Variants in UBE2J2 observed in about 807,000 individuals in gnomAD.
The protein encoded by UBE2J2 is ubiquitin-conjugating enzyme E2 J2.
Under a neutral mutation model 28.6 loss-of-function variants are expected in UBE2J2, and 5 were observed. The observed-to-expected ratio is 0.17, with a 90% CI of 0.09 to 0.37. The LOEUF (loss-of-function observed/expected upper bound fraction) is 0.37, where lower values mean the gene tolerates loss of function less well. Ranked by LOEUF, UBE2J2 falls within the 10% of genes least tolerant of loss-of-function variation. UBE2J2 has a pLI of 1.00. For missense variants in UBE2J2, 226 were observed against 338.9 expected, an observed-to-expected ratio of 0.67 and a Z score of 2.62; for synonymous variants, 138 against 139.7, an observed-to-expected ratio of 0.99 and a Z score of 0.09.
At chr1:1,269,744 G>GT (rs1640054850) in intron 1 of UBE2J2, among the ~76,000 whole-genome samples, 1 of 152,162 alleles carries the variant, frequency 6.6e-6, no homozygotes, top group Non-Finnish European at 1.5e-5. Flanking sequence ...GATTACAGGC[G>GT]TGAGTCCCCG....
chr1:1,268,283 A>G lies in UBE2J2; in HGVS notation c.1-291T>C, dbSNP rs1291040357. ...GTTCCTGTCCTCCAAAAACTCACGC[A>G]GGGATACATTTACAGGGCTTGAGGG... On this transcript the variant is annotated intron_variant, in intron 1 of 6. Transcript: ENST00000349431. This position sits in a 1 kb window ranked among gnomAD's most constrained non-coding sequence, Gnocchi z 4.7. Among the ~76,000 whole-genome samples, 1 of 152,144 alleles carries G rather than the reference A, an allele frequency of 6.6e-6. No individual in the cohort carries two copies. The highest frequency in any genetic ancestry group is 1.5e-5 in the Non-Finnish European group (1 of 68,038).
chr1:1,271,443 A>C (rs547464092), intron 1 of UBE2J2: 3 of 152,392 alleles, frequency 2.0e-5, no homozygotes, highest in Non-Finnish European at 2.9e-5. Context: ...ACGAAAGTTC[A>C]TGGACAGCCG....
At chr1:1,259,647 A>T (rs978136910) in intron 3 of UBE2J2, among the ~76,000 whole-genome samples, 5 of 152,080 alleles carry the variant, frequency 3.3e-5, no homozygotes, top group Non-Finnish European at 7.4e-5. Flanking sequence ...TTTTCAGTTC[A>T]CATCCCCCTT....
At chr1:1,266,215 C>A in intron 2 of UBE2J2, 2 of 1,250,256 alleles carry the variant, frequency 1.6e-6, no homozygotes, top group Non-Finnish European at 2.1e-6. Context: ...GCTGGGCCTC[C>A]TCTGTGAGCC....
rs148300527 is a variant in UBE2J2 at position 1,271,175 on chromosome 1, A to G, written c.-1+2491T>C. On this transcript the variant is annotated intron_variant, in intron 1 of 6. Coordinates refer to ENST00000349431, the MANE Select transcript of UBE2J2 (RefSeq NM_058167.3). ...GAGGGCCCCCACCAGGGATGGGGTT[A>G]CAGTCCTGCCTGGGAAGGAAGTGCT... 4.0e-3 allele frequency among the ~76,000 whole-genome samples: 607 copies of G among 152,274 alleles called. 4 individuals carry two copies. Among genetic ancestry groups the G allele is most frequent in the African/African-American group, 0.014 (575 of 41,560 alleles).
rs1194870542 is a variant in UBE2J2, at chr1:1,257,393, ACCCC to A, written c.173-87_173-84del. ...GACCTCGTCCCCATCCCCCCACGCC[ACCCC>A]CCCCCCCCCCCTCAGCTCGGCTCCC... On this transcript the variant is annotated intron_variant, in intron 3 of 6. Coordinates refer to ENST00000349431, the MANE Select transcript of UBE2J2 (RefSeq NM_058167.3). The A allele has an allele frequency of 7.3e-3, 1,549 of 213,204 alleles. 1 individual carries two copies. The highest frequency in any genetic ancestry group is 0.012 in the Middle Eastern group (11 of 932). The allele number at this position is 213,204 out of a possible 1,614,324, so 13.2% of individuals were successfully genotyped here.
chr1:1,259,204 T>TCTGA (rs1311625187), intron 3 of UBE2J2, among the ~76,000 whole-genome samples: 1 of 151,462 alleles, frequency 6.6e-6, no homozygotes, highest in Admixed American at 6.6e-5. Flanking sequence ...TGTGCATGTG[T>TCTGA]GTGTGTATGC....
rs1639160934 is a variant in UBE2J2, at chr1:1,256,143, G to A, written c.415-18C>T. The stretch of plus-strand genomic sequence containing the variant: ...TGTCTTTTCTAGGAAGGAAGGGAAG[G>A]GAATCAGCCAGAAAACTAATTTCAA... On this transcript the variant is annotated intron_variant, in intron 5 of 6. Transcript: ENST00000349431. 1.3e-6 allele frequency: 2 copies of A among 1,567,510 alleles called. No homozygotes were observed. The highest frequency in any genetic ancestry group is 1.8e-6 in the Non-Finnish European group (2 of 1,140,644).
intron 3 of UBE2J2, among the ~76,000 whole-genome samples, chr1:1,261,069 G>A (rs1229951951): frequency 6.6e-6 from 1 of 152,208 alleles, no homozygotes; most frequent in Non-Finnish European, 1.5e-5. Context: ...AGTCAGGAAG[G>A]AAGCTGTCGT....
Position 1,267,938 on chromosome 1 carries a change from G to C in UBE2J2, c.55C>G (p.Gln19Glu), listed in dbSNP as rs1406907998. Residue 19 changes from glutamine to glutamate, a missense_variant, in exon 2 of 7, where the codon CAG becomes GAG. Around this residue, in one of 3 missense-constraint regions of UBE2J2, gnomAD observed 80 missense variants for 114.5 expected, o/e 0.70. Coordinates refer to ENST00000349431, the MANE Select transcript of UBE2J2 (RefSeq NM_058167.3). ...APTTATQRLK[Q>E]DYLRIKKDPV... ...TCTTTCTTAATGCGAAGGTAGTCCTGCTTCAGCCTCTGGGTTGCCGTGGTC... is the reference window on the plus strand; with the variant it reads ...TCTTTCTTAATGCGAAGGTAGTCCTCCTTCAGCCTCTGGGTTGCCGTGGTC... The C allele has an allele frequency of 6.2e-7, 1 of 1,614,102 alleles. No individual in the cohort carries two copies. Among genetic ancestry groups the C allele is most frequent in the Non-Finnish European group, 8.5e-7 (1 of 1,179,984 alleles).
At chr1:1,255,713 G>C (rs879890953) in intron 6 of UBE2J2, among the ~76,000 whole-genome samples, 2 of 152,252 alleles carry the variant, frequency 1.3e-5, no homozygotes, top group African/African-American at 2.4e-5. Flanking sequence ...GAGCCACAGA[G>C]GCCAAGACCA....
At position 1,268,844 on chromosome 1, in the gene UBE2J2, ATT is replaced by A. The variant is rs371622000; in HGVS notation, c.1-854_1-853del. Among the ~76,000 whole-genome samples, 2 of 147,062 alleles carry A rather than the reference ATT, an allele frequency of 1.4e-5. No homozygotes were observed. Among genetic ancestry groups the A allele is most frequent in the Non-Finnish European group, 1.5e-5 (1 of 66,254 alleles). On this transcript the variant is annotated intron_variant, in intron 1 of 6. Transcript: ENST00000349431. This position sits in a 1 kb window ranked among gnomAD's most constrained non-coding sequence, Gnocchi z 4.7. ...AGACGCATGCCACCACGCCTAGCTA[ATT>A]TTTTTTTTTTTGTAGAGCTGGGATC...
At chr1:1,262,094 TGATCC>T in intron 3 of UBE2J2, 1 of 310,940 alleles carries the variant, frequency 3.2e-6, no homozygotes, top group South Asian at 2.4e-5. Context: ...TGACCTCAGA[TGATCC>T]GCCCACCTCA....
Position 1,254,034 on chromosome 1 carries a change from G to C in UBE2J2, c.*1169C>G, listed in dbSNP as rs577470928. On this transcript the variant is annotated 3_prime_UTR_variant, in exon 7 of 7. Transcript: ENST00000349431. The stretch of plus-strand genomic sequence containing the variant: ...TCAAAAAACGAAGAAAGATGAGCGC[G>C]TGCGGGCTGGGCTTGTCTCACGCCC... 6.6e-6 allele frequency: 1 copy of C among 152,198 alleles called. No homozygotes were observed. Among genetic ancestry groups the C allele is most frequent in the Non-Finnish European group, 1.5e-5 (1 of 68,030 alleles). The allele number at this position is 152,198 out of a possible 1,614,324, so 9.4% of individuals were successfully genotyped here.
chr1:1,256,264 C>CTT (rs1247720978), intron 5 of UBE2J2, 139 bp from the exon 6 acceptor site: 2 of 620,004 alleles, frequency 3.2e-6, no homozygotes, highest in Non-Finnish European at 5.7e-6. Context: ...TCACAGCAAA[C>CTT]TAACTTATAG....
At position 1,256,052 on chromosome 1, in the gene UBE2J2, A is replaced by G. The variant is rs767203432; in HGVS notation, c.488T>C (p.Val163Ala). Residue 163 changes from valine to alanine, a missense_variant, in exon 6 of 7, where the codon GTC becomes GCC. Around this residue, in one of 3 missense-constraint regions of UBE2J2, gnomAD observed 133 missense variants for 161.5 expected, o/e 0.82. Coordinates refer to ENST00000349431, the MANE Select transcript of UBE2J2 (RefSeq NM_058167.3). ...DKVFCELFPE[V>A]VEEIKQKQKA... ...CACTTCCGTCTTTCTTACCTCCACG[A>G]CTTCAGGAAATAATTCACAAAAGAC... is the stretch of plus-strand genomic sequence containing the variant. 6.2e-7 allele frequency: 1 copy of G among 1,611,160 alleles called. No homozygotes were observed. Among genetic ancestry groups the G allele is most frequent in the Non-Finnish European group, 8.5e-7 (1 of 1,177,394 alleles).
chr1:1,257,202 C>A lies in UBE2J2; in HGVS notation c.275+6G>T, dbSNP rs746994794. On this transcript the variant is annotated splice_donor_region_variant and intron_variant, in intron 4 of 6. Transcript: ENST00000349431. ...AAAGCCTCCGCGGCCCCTCCAGGCA[C>A]CTTACCTGGTGTTGCACTTAAACCT... The A allele has an allele frequency of 6.2e-7, 1 of 1,606,408 alleles. No individual in the cohort carries two copies. Among genetic ancestry groups the A allele is most frequent in the South Asian group, 1.1e-5 (1 of 90,618 alleles).
chr1:1,264,309 G>A (rs748849158), intron 2 of UBE2J2, among the ~76,000 whole-genome samples: 11 of 152,234 alleles, frequency 7.2e-5, no homozygotes, highest in Non-Finnish European at 1.5e-4. Context: ...TTTACGTAAA[G>A]AAGTGTCTGG....
chr1:1,259,531 G>A (rs1639430989), intron 3 of UBE2J2, among the ~76,000 whole-genome samples: 1 of 152,206 alleles, frequency 6.6e-6, no homozygotes, highest in East Asian at 1.9e-4. Flanking sequence ...CCCCTCGAGT[G>A]CTTTACATCT....
Sources: allele counts gnomAD v4.1 joint callset (sites outside exome capture counted in the v4.1 genomes callset), GRCh38; gene constraint gnomAD v4.1.1; regional missense constraint gnomAD v4.1.1; non-coding constraint Gnocchi (gnomAD v3.1); transcripts MANE v1.5; gene names NCBI Gene and HGNC (gene_info 2026-07-23, HGNC 2026-07-21).